The following ZNF385B variants were observed in gnomAD, a reference collection of about 807,000 sequenced individuals.
The protein encoded by ZNF385B is zinc finger protein 533.
Under a neutral mutation model 39.2 loss-of-function variants are expected in ZNF385B, and 23 were observed. That is an observed-to-expected ratio of 0.59 (90% CI 0.42 to 0.83). ZNF385B has a LOEUF of 0.83. ZNF385B is among the 40% of genes least tolerant of loss of function. ZNF385B has a pLI of 0.00. For synonymous variants in ZNF385B, 205 were observed against 222.6 expected (o/e 0.92, Z 0.70); for missense variants, 552 against 598.9 (o/e 0.92, Z 0.82).
chr2:179,725,899 TG>T (rs1700978950), intron 3 of ZNF385B, among the ~76,000 whole-genome samples: 4 of 125,500 alleles, frequency 3.2e-5, no homozygotes, highest in African/African-American at 1.1e-4. Flanking sequence ...TGAATATATG[TG>T]TTTGTGTGTG....
At chr2:179,451,633 A>T (rs1288395998) in intron 6 of ZNF385B, among the ~76,000 whole-genome samples, 1 of 152,106 alleles carries the variant, frequency 6.6e-6, no homozygotes, top group Non-Finnish European at 1.5e-5. Flanking sequence ...TGACTTTGGA[A>T]ATGTGTAAAT....
At chr2:179,610,971 T>C (rs896122156) in intron 3 of ZNF385B, among the ~76,000 whole-genome samples, 27 of 152,290 alleles carry the variant, frequency 1.8e-4, no homozygotes, top group African/African-American at 6.5e-4. Context: ...AAGTATAAGA[T>C]TATATCATCT....
chr2:179,860,682 CA>C (rs1265213787), intron 1 of ZNF385B, among the ~76,000 whole-genome samples: 1 of 152,108 alleles, frequency 6.6e-6, no homozygotes, highest in East Asian at 1.9e-4. Context: ...CCTAACTACC[CA>C]TTTCCCGGTC....
At chr2:179,726,194 T>G (rs981169301) in intron 3 of ZNF385B, among the ~76,000 whole-genome samples, 3 of 151,996 alleles carry the variant, frequency 2.0e-5, no homozygotes, top group Admixed American at 6.6e-5. Flanking sequence ...GGTTCACCTT[T>G]GGTGTCCTGT....
intron 5 of ZNF385B, among the ~76,000 whole-genome samples, chr2:179,488,768 C>T (rs993115215): frequency 2.0e-5 from 3 of 152,090 alleles, no homozygotes; most frequent in African/African-American, 7.2e-5. Flanking sequence ...CAAAGGTCAG[C>T]TAATTTTCAG....
intron 6 of ZNF385B, among the ~76,000 whole-genome samples, chr2:179,472,463 C>T (rs2052879154): frequency 6.6e-6 from 1 of 151,924 alleles, no homozygotes; most frequent in Non-Finnish European, 1.5e-5. Flanking sequence ...GTTAAATGGG[C>T]AAAAATCATA....
At chr2:179,763,701 T>A (rs1343771278) in intron 3 of ZNF385B, among the ~76,000 whole-genome samples, 2 of 152,212 alleles carry the variant, frequency 1.3e-5, no homozygotes, top group African/African-American at 4.8e-5. Context: ...TGTGCTTTAA[T>A]TTTCATCTAG....
chr2:179,773,882 C>A (rs541016250), intron 1 of ZNF385B, among the ~76,000 whole-genome samples: 13 of 152,310 alleles, frequency 8.5e-5, no homozygotes, highest in Non-Finnish European at 1.3e-4. Flanking sequence ...TTTGTATCCT[C>A]AGCATCTAAG....
intron 3 of ZNF385B, among the ~76,000 whole-genome samples, chr2:179,565,592 T>C (rs571250696): frequency 1.3e-5 from 2 of 152,356 alleles, no homozygotes; most frequent in East Asian, 1.9e-4. Flanking sequence ...CCTTAGGCAG[T>C]GCCTTACACT....
chr2:179,615,338 T>C (rs1317230457), intron 3 of ZNF385B, among the ~76,000 whole-genome samples: 1 of 152,194 alleles, frequency 6.6e-6, no homozygotes, highest in Non-Finnish European at 1.5e-5. Context: ...ATATAGTGTT[T>C]CTTAAAGTGT....
chr2:179,623,829 T>C (rs1690431128), intron 3 of ZNF385B, among the ~76,000 whole-genome samples: 2 of 152,202 alleles, frequency 1.3e-5, no homozygotes, highest in African/African-American at 2.4e-5. Context: ...AAACAGCCAG[T>C]CAGTTTCTTG....
chr2:179,558,685 C>T (rs551227311), intron 3 of ZNF385B, among the ~76,000 whole-genome samples: 6 of 152,082 alleles, frequency 3.9e-5, no homozygotes, highest in Non-Finnish European at 7.4e-5. Context: ...CATATGTATC[C>T]CAAGGCCACC....
chr2:179,477,487 C>T (rs1206611773), intron 6 of ZNF385B, among the ~76,000 whole-genome samples: 1 of 152,150 alleles, frequency 6.6e-6, no homozygotes, highest in African/African-American at 2.4e-5. Flanking sequence ...CTCACGGTCT[C>T]CATAGGGCAT....
chr2:179,736,151 C>T (rs957667334), intron 3 of ZNF385B, among the ~76,000 whole-genome samples: 1 of 152,010 alleles, frequency 6.6e-6, no homozygotes, highest in Non-Finnish European at 1.5e-5. Context: ...ACAATTACAG[C>T]TAATAATTAT....
At chr2:179,722,131 C>A (rs1700734019) in intron 3 of ZNF385B, among the ~76,000 whole-genome samples, 2 of 151,782 alleles carry the variant, frequency 1.3e-5, no homozygotes, top group African/African-American at 2.4e-5. Flanking sequence ...TGTAAAATAC[C>A]TAGAAGTATA....
Position 179,817,006 on chromosome 2 carries a change from T to G in ZNF385B, c.-155+44095A>C, listed in dbSNP as rs80294234. 2.0e-3 allele frequency among the ~76,000 whole-genome samples: 312 copies of G among 152,226 alleles called. 2 individuals carry two copies. Among genetic ancestry groups the G allele is most frequent in the African/African-American group, 7.3e-3 (302 of 41,540 alleles). The stretch of plus-strand genomic sequence containing the variant: ...TGTTGCTTTCCAATCTTTTACACAT[T>G]GTGTAAAAGCTTCATTGTGAATAAC... On this transcript the variant is annotated intron_variant, in intron 1 of 9. Transcript: ENST00000410066.
rs1438225664 is a variant in ZNF385B, at chr2:179,617,656, C to T, written c.299-72687G>A. Among the ~76,000 whole-genome samples, 10 of 152,136 alleles carry T rather than the reference C, an allele frequency of 6.6e-5. 1 individual carries two copies. Among genetic ancestry groups the T allele is most frequent in the African/African-American group, 2.4e-4 (10 of 41,418 alleles). ...GAGGCCTGAAAACTGGCCTTTCTTA[C>T]AAGTCCTCATGTGGTACTGATGCTG... On this transcript the variant is annotated intron_variant, in intron 3 of 9. Coordinates refer to ENST00000410066, the MANE Select transcript of ZNF385B (RefSeq NM_152520.6).
chr2:179,621,297 T>C (rs1450223877), intron 3 of ZNF385B, among the ~76,000 whole-genome samples: 2 of 152,280 alleles, frequency 1.3e-5, no homozygotes, highest in South Asian at 2.1e-4. Flanking sequence ...CACAAAGGTA[T>C]AAGAAAGATA....
At chr2:179,736,894 C>T (rs73046862) in intron 3 of ZNF385B, among the ~76,000 whole-genome samples, 13,911 of 152,192 alleles carry the variant, frequency 0.091, 714 homozygotes, top group Non-Finnish European at 0.11. Flanking sequence ...CACTTGAACT[C>T]GAGAGGCGGA....
Sources: gnomAD v4.1 joint callset for allele counts (sites outside exome capture counted in the v4.1 genomes callset) on GRCh38, gnomAD v4.1.1 for gene constraint, MANE v1.5 for transcripts, NCBI Gene and HGNC (gene_info 2026-07-23, HGNC 2026-07-21) for gene names.